The following SMURF2 variants were observed in gnomAD, a reference collection of about 807,000 sequenced individuals.
The protein encoded by SMURF2 is E3 ubiquitin-protein ligase SMURF2.
In SMURF2, 48 loss-of-function variants were observed where a neutral mutation model predicts 109.6. That is an observed-to-expected ratio of 0.44 (90% confidence interval 0.35 to 0.56). The LOEUF (loss-of-function observed/expected upper bound fraction) is 0.56, where lower values mean the gene tolerates loss of function less well. Among genes scored for constraint, SMURF2 ranks in the 20% least tolerant of loss-of-function variants. SMURF2 has a pLI of 0.01. For synonymous variants in SMURF2, 288 were observed against 317.1 expected (o/e 0.91, Z 0.97); for missense variants, 575 against 909.0 (o/e 0.63, Z 4.72).
At chr17:64,596,429 TAA>T (rs1969817871) in intron 3 of SMURF2, among the ~76,000 whole-genome samples, 1 of 150,744 alleles carries the variant, frequency 6.6e-6, no homozygotes, top group Non-Finnish European at 1.5e-5. Flanking sequence ...CATTTGGAGG[TAA>T]AGTGATATTT....
chr17:64,646,380 T>TC (rs1970559721), intron 1 of SMURF2, among the ~76,000 whole-genome samples: 1 of 145,602 alleles, frequency 6.9e-6, no homozygotes, highest in African/African-American at 2.6e-5. Context: ...TTTTTTTCTT[T>TC]CTTTTTTTTT....
intron 1 of SMURF2, among the ~76,000 whole-genome samples, chr17:64,651,443 G>A (rs782377388): frequency 6.0e-5 from 9 of 150,528 alleles, no homozygotes; most frequent in Non-Finnish European, 1.2e-4. Flanking sequence ...ATGGTGGCGC[G>A]CGCCTGTAGT....
chr17:64,565,662 T>C (rs80198587), intron 10 of SMURF2, among the ~76,000 whole-genome samples: 6 of 151,896 alleles, frequency 4.0e-5, no homozygotes, highest in African/African-American at 1.2e-4. Flanking sequence ...ATCCCAGCTC[T>C]AGCACCTTTT....
chr17:64,558,893 T>C (rs2144599367), intron 12 of SMURF2, among the ~76,000 whole-genome samples: 1 of 152,346 alleles, frequency 6.6e-6, no homozygotes, highest in Non-Finnish European at 1.5e-5. Flanking sequence ...TATATTTTGA[T>C]ATTATGGATT....
chr17:64,547,275 AGATGTGAACATG>A lies in SMURF2; in HGVS notation c.2071+313_2071+324del, dbSNP rs1447743511. 1.3e-5 allele frequency among the ~76,000 whole-genome samples: 2 copies of A among 152,332 alleles called. No individual in the cohort carries two copies. The highest frequency in any genetic ancestry group is 3.9e-4 in the East Asian group (2 of 5,184). On this transcript the variant is annotated intron_variant, in intron 17 of 18. Transcript: ENST00000262435. This position sits in a 1 kb window ranked among gnomAD's most constrained non-coding sequence, Gnocchi z 4.2. ...GGCAGGTAAACGTTTCACCAGGTCA[AGATGTGAACATG>A]GAAGTGAACGACTTCCCTACAGGAA... is the stretch of plus-strand genomic sequence containing the variant.
chr17:64,589,530 C>T (rs782085026), intron 5 of SMURF2, among the ~76,000 whole-genome samples: 16 of 151,744 alleles, frequency 1.1e-4, no homozygotes, highest in South Asian at 2.1e-4. Context: ...GGAACCCGGC[C>T]GCACAACAGG....
intron 1 of SMURF2, among the ~76,000 whole-genome samples, chr17:64,653,609 G>A (rs1598318818): frequency 6.6e-6 from 1 of 151,982 alleles, no homozygotes; most frequent in South Asian, 2.1e-4. Context: ...GGCCACACCC[G>A]ACCAATTTCT....
intron 2 of SMURF2, among the ~76,000 whole-genome samples, chr17:64,605,199 G>A (rs1446791656): frequency 6.6e-6 from 1 of 152,128 alleles, no homozygotes; most frequent in Non-Finnish European, 1.5e-5. Context: ...ACCTTCCACT[G>A]TGACAAGCTT....
At chr17:64,648,058 TAAAAAAA>T (rs56131846) in intron 1 of SMURF2, among the ~76,000 whole-genome samples, 361 of 17,604 alleles carry the variant, frequency 0.021, 1 homozygote, top group African/African-American at 0.059. Context: ...CCCTATCTCT[TAAAAAAA>T]AAAAAAAAAA....
Position 64,637,537 on chromosome 17 carries a change from G to A in SMURF2, c.52+24292C>T, listed in dbSNP as rs566146090. Among the ~76,000 whole-genome samples, 4 of 151,932 alleles carry A rather than the reference G, an allele frequency of 2.6e-5. No homozygotes were observed. The South Asian group carries it at 6.2e-4, about 24-fold the overall frequency. On this transcript the variant is annotated intron_variant, in intron 1 of 18. Coordinates refer to ENST00000262435, the MANE Select transcript of SMURF2 (RefSeq NM_022739.4). The stretch of plus-strand genomic sequence containing the variant: ...GGTTCAACTTCATTCTTTTGCATGT[G>A]GAAATCCAGTTGGTCCAACACATTA...
intron 5 of SMURF2, among the ~76,000 whole-genome samples, chr17:64,587,737 T>G (rs1367778964): frequency 6.6e-6 from 1 of 152,180 alleles, no homozygotes; most frequent in African/African-American, 2.4e-5. Context: ...GAACACCTAC[T>G]TGGCAAATGT....
intron 2 of SMURF2, among the ~76,000 whole-genome samples, chr17:64,602,690 A>G (rs1466112751): frequency 1.3e-5 from 2 of 152,152 alleles, no homozygotes. Context: ...GCACTTTGGG[A>G]GGCCGAAGTG....
intron 10 of SMURF2, among the ~76,000 whole-genome samples, chr17:64,570,929 C>T (rs1555685500): frequency 6.6e-6 from 1 of 152,158 alleles, no homozygotes; most frequent in African/African-American, 2.4e-5. Context: ...CACAGGTGCG[C>T]ACCACCATGA....
intron 12 of SMURF2, among the ~76,000 whole-genome samples, chr17:64,558,583 C>T (rs979839666): frequency 2.6e-5 from 4 of 152,198 alleles, no homozygotes; most frequent in Middle Eastern, 6.8e-3. Context: ...CTGAAACATA[C>T]CATGATAAAA....
chr17:64,653,338 A>G (rs1401541043), intron 1 of SMURF2, among the ~76,000 whole-genome samples: 1 of 152,176 alleles, frequency 6.6e-6, no homozygotes, highest in East Asian at 1.9e-4. Context: ...TTAAAGTACC[A>G]TGAAATATCT....
chr17:64,607,663 T>C (rs964562407), intron 1 of SMURF2, among the ~76,000 whole-genome samples: 1 of 147,756 alleles, frequency 6.8e-6, no homozygotes, highest in Non-Finnish European at 1.5e-5. Flanking sequence ...ATGAGTTACA[T>C]ATCAATTTTA....
At chr17:64,568,032 T>G (rs1969340021) in intron 10 of SMURF2, among the ~76,000 whole-genome samples, 1 of 151,990 alleles carries the variant, frequency 6.6e-6, no homozygotes, top group African/African-American at 2.4e-5. Flanking sequence ...TTTTTTGTAT[T>G]TTTAGTAGAG....
chr17:64,661,597 T>C (rs1466604076), intron 1 of SMURF2, among the ~76,000 whole-genome samples: 2 of 151,994 alleles, frequency 1.3e-5, no homozygotes, highest in Admixed American at 6.5e-5. Context: ...AACCGGTGTA[T>C]TCTCCCCTCC....
In SMURF2 at chr17:64,546,267, T is replaced by A; in HGVS notation, c.2143A>T (p.Thr715Ser). 6.2e-7 allele frequency: 1 copy of A among 1,614,016 alleles called. No homozygotes were observed. The highest frequency in any genetic ancestry group is 8.5e-7 in the Non-Finnish European group (1 of 1,179,932). Reference sequence around the variant, plus strand: ...ACAGCTACAAAAATACCTTACCAAGTGTGGGCTTTCGGCAGGTTGTTAGTG... The same window carrying A: ...ACAGCTACAAAAATACCTTACCAAGAGTGGGCTTTCGGCAGGTTGTTAGTG... ...ACTNNLPKAHTCFNRIDIPPY... is the reference protein window; with the variant it reads ...ACTNNLPKAHSCFNRIDIPPY... Residue 715 changes from threonine to serine, a missense_variant, in exon 18 of 19, where the codon ACT (threonine) becomes TCT (serine). Transcript: ENST00000262435.
Sources: gnomAD v4.1 joint callset for allele counts (sites outside exome capture counted in the v4.1 genomes callset) on GRCh38, gnomAD v4.1.1 for gene constraint, Gnocchi (gnomAD v3.1) non-coding constraint, MANE v1.5 for transcripts, NCBI Gene and HGNC (gene_info 2026-07-23, HGNC 2026-07-21) for gene names.